TXNDC11: variants seen among roughly 807,000 people sequenced by gnomAD.
TXNDC11 encodes the protein thioredoxin domain-containing protein 11.
TXNDC11 carries 68 observed loss-of-function variants against 78.0 expected under a neutral mutation model. That is an observed-to-expected ratio of 0.87 (90% confidence interval 0.72 to 1.07). The LOEUF is 1.07. TXNDC11 is among the 50% of genes least tolerant of loss of function. TXNDC11 has a pLI of 0.00. For missense variants in TXNDC11, 1,389 were observed against 1,221.8 expected (o/e 1.14, Z -2.04); for synonymous variants, 571 against 495.2 (o/e 1.15, Z -2.03).
Position 11,703,788 on chromosome 16 carries a change from T to G in TXNDC11, c.794-3224A>C, listed in dbSNP as rs1315656284. ...AAGTACAAGATAAGCCTGAAATATC[T>G]TGTATCAGAAGTAAAGAAGTGGGCT... On this transcript the variant is annotated intron_variant, in intron 5 of 11. Coordinates refer to ENST00000283033, the MANE Select transcript of TXNDC11 (RefSeq NM_015914.7). The G allele has an allele frequency of 1.7e-5, 12 of 698,344 alleles. No homozygotes were observed. The Admixed American group carries it at 2.4e-4, about 14-fold the overall frequency. The allele number at this position is 698,344 out of a possible 1,614,324, so 43.3% of individuals were successfully genotyped here. A position where few individuals can be genotyped will look rare whatever the true frequency, so the allele number is the denominator to read the frequency against.
chr16:11,728,345 C>T (rs1244369876), intron 4 of TXNDC11, among the ~76,000 whole-genome samples: 1 of 152,184 alleles, frequency 6.6e-6, no homozygotes, highest in Non-Finnish European at 1.5e-5. Flanking sequence ...CTATCTATCT[C>T]TTGCCAATGA....
In TXNDC11 at chr16:11,734,059, G is replaced by A. The variant is rs1171480580; in HGVS notation, c.492C>T (p.Asn164=). The change falls in exon 3 of 12, where the codon AAC becomes AAT. Residue 164 remains asparagine, a synonymous_variant. Transcript: ENST00000283033. The part of the protein sequence containing the change: ...LSDQVLFVAI[N]CWWNQGKCRK... ...TGCATTTCCCCTGGTTCCACCAACAGTTAATTGCCACAAACAACACCTGCA... is the reference window on the plus strand; with the variant it reads ...TGCATTTCCCCTGGTTCCACCAACAATTAATTGCCACAAACAACACCTGCA... 4 of 1,601,524 alleles carry A rather than the reference G, an allele frequency of 2.5e-6. No individual in the cohort carries two copies. Among genetic ancestry groups the A allele is most frequent in the Admixed American group, 1.8e-5 (1 of 56,010 alleles).
At chr16:11,733,170 C>T (rs1378085955) in intron 3 of TXNDC11, among the ~76,000 whole-genome samples, 3 of 151,882 alleles carry the variant, frequency 2.0e-5, no homozygotes, top group Admixed American at 2.0e-4. Flanking sequence ...GGCAGGAGAA[C>T]GGCTTGAACC....
At chr16:11,693,068 CAA>C (rs2050764839) in intron 7 of TXNDC11, among the ~76,000 whole-genome samples, 1 of 152,220 alleles carries the variant, frequency 6.6e-6, no homozygotes, top group African/African-American at 2.4e-5. Context: ...CTCTTCCCCA[CAA>C]ACTTACAGAA....
In TXNDC11 at chr16:11,730,950, G is replaced by C. The variant is rs371207622; in HGVS notation, c.570-176C>G. 1.1e-4 allele frequency among the ~76,000 whole-genome samples: 16 copies of C among 152,280 alleles called. No homozygotes were observed. The East Asian group carries it at 2.9e-3, about 27-fold the overall frequency. On this transcript the variant is annotated intron_variant, in intron 3 of 11. Transcript: ENST00000283033. ...GCTCAGGAGGTGACCAGAGAATTAA[G>C]AACAAGCATTTTGGGTGAGGAGAGG...
intron 5 of TXNDC11, among the ~76,000 whole-genome samples, chr16:11,704,298 A>C (rs1435670109): frequency 6.6e-6 from 1 of 152,214 alleles, no homozygotes; most frequent in Non-Finnish European, 1.5e-5. Flanking sequence ...TTAAGGGAGA[A>C]TTCCACTAAT....
At chr16:11,683,403 G>C (rs994489293) in intron 11 of TXNDC11, among the ~76,000 whole-genome samples, 2 of 152,180 alleles carry the variant, frequency 1.3e-5, no homozygotes, top group African/African-American at 4.8e-5. Context: ...AAAAGGACGT[G>C]CCATGGGTAA....
At chr16:11,720,082 G>C (rs576453160) in intron 5 of TXNDC11, among the ~76,000 whole-genome samples, 1 of 152,184 alleles carries the variant, frequency 6.6e-6, no homozygotes, top group African/African-American at 2.4e-5. Context: ...GGAGACAAGC[G>C]AGCAGATGAG....
Position 11,691,552 on chromosome 16 carries a change from T to G in TXNDC11, c.1638A>C (p.Pro546=). The G allele has an allele frequency of 1.2e-6, 2 of 1,614,222 alleles. No homozygotes were observed. Among genetic ancestry groups the G allele is most frequent in the Non-Finnish European group, 1.7e-6 (2 of 1,180,036 alleles). ...TCTCCTCAATGTGAGGAACGGAGCT[T>G]GGGGCATCAACCTCACATTTCTTCT... ...SLEKKCEVDA[P]SSVPHIEENR... The change falls in exon 8 of 12, where the codon CCA becomes CCC. Residue 546 remains proline (P), a synonymous_variant. Coordinates refer to ENST00000283033, the MANE Select transcript of TXNDC11 (RefSeq NM_015914.7).
chr16:11,726,540 G>A lies in TXNDC11; in HGVS notation c.699+4105C>T, dbSNP rs557278718. Among the ~76,000 whole-genome samples, 55 of 139,370 alleles carry A rather than the reference G, an allele frequency of 3.9e-4. 1 individual carries two copies. The highest frequency in any genetic ancestry group is 1.1e-3 in the African/African-American group (40 of 36,968). The allele number at this position is 139,370 out of a possible 152,430, so 91.4% of individuals were successfully genotyped here. The stretch of plus-strand genomic sequence containing the variant: ...GGCTGCAGTGAGCCAAGATCACGCC[G>A]CTGCACTCCAGCCTGGACAACAGAG... On this transcript the variant is annotated intron_variant, in intron 4 of 11. Transcript: ENST00000283033.
At chr16:11,704,007 G>T (rs1200822991) in intron 5 of TXNDC11, among the ~76,000 whole-genome samples, 1 of 152,136 alleles carries the variant, frequency 6.6e-6, no homozygotes, top group African/African-American at 2.4e-5. Context: ...CAGCAGAATT[G>T]CTTGAACCCG....
At chr16:11,710,071 A>G (rs2051303203) in intron 5 of TXNDC11, among the ~76,000 whole-genome samples, 1 of 152,188 alleles carries the variant, frequency 6.6e-6, no homozygotes, top group Non-Finnish European at 1.5e-5. Flanking sequence ...TGAACCCAGG[A>G]GGCAGAGACT....
rs1247404662 is a variant in TXNDC11, at chr16:11,679,809, C to T, written c.2263G>A (p.Asp755Asn). ...AGGTTTGGAAGGGTGATGGGGACGT[C>T]TTCGGGGTATTTCACACTTAGGTCC... ...RKDLSVKYPE[D>N]VPITLPNLLR... The change falls in exon 12 of 12, where the codon GAC becomes AAC. Residue 755 changes from aspartate (D) to asparagine (N), a missense_variant. Transcript: ENST00000283033. This position sits in a 1 kb window ranked among gnomAD's most constrained non-coding sequence, Gnocchi z 4.6. The T allele has an allele frequency of 8.7e-6, 14 of 1,613,014 alleles. No individual in the cohort carries two copies. The highest frequency in any genetic ancestry group is 1.1e-5 in the Non-Finnish European group (13 of 1,179,308).
intron 11 of TXNDC11, among the ~76,000 whole-genome samples, chr16:11,682,141 C>G (rs1192403978): frequency 6.6e-6 from 1 of 152,260 alleles, no homozygotes; most frequent in African/African-American, 2.4e-5. Context: ...TACATGTTAT[C>G]CAACAGCCTT....
At position 11,742,536 on chromosome 16, in the gene TXNDC11, C is replaced by T; in HGVS notation, c.195G>A (p.Leu65=). 2 of 1,459,610 alleles carry T rather than the reference C, an allele frequency of 1.4e-6. No homozygotes were observed. The highest frequency in any genetic ancestry group is 2.6e-5 in the Admixed American group (1 of 38,862). 90.4% of individuals were successfully genotyped at this position (1,459,610 alleles called of 1,614,324 possible). A position where few individuals can be genotyped will look rare whatever the true frequency, so the allele number is the denominator to read the frequency against. ...AGCCGAGCGCCACGGCCCCGCAGAG[C>T]AGCTCCGGCCGCTGGCGCGCCATGA... The part of the protein sequence containing the change: ...AFLMARQRPE[L]LCGAVALGCA... Residue 65 remains leucine (L), a synonymous_variant, in exon 1 of 12, where the codon CTG becomes CTA. Coordinates refer to ENST00000283033, the MANE Select transcript of TXNDC11 (RefSeq NM_015914.7).
intron 6 of TXNDC11, 71 bp from the exon 7 acceptor site, chr16:11,698,396 C>A (rs777036453): frequency 5.1e-6 from 7 of 1,362,696 alleles, no homozygotes; most frequent in Non-Finnish European, 7.3e-6. Context: ...CACATCAGTG[C>A]TGTTCCAACC....
chr16:11,694,772 T>C (rs2050815625), intron 7 of TXNDC11, among the ~76,000 whole-genome samples: 1 of 152,278 alleles, frequency 6.6e-6, no homozygotes, highest in Non-Finnish European at 1.5e-5. Context: ...CTTAAAGAGT[T>C]AGGCATTATC....
chr16:11,704,958 G>A (rs2051142736), intron 5 of TXNDC11, among the ~76,000 whole-genome samples: 1 of 151,166 alleles, frequency 6.6e-6, no homozygotes, highest in Non-Finnish European at 1.5e-5. Flanking sequence ...CGCCCAGGCT[G>A]GAGTACAGTG....
intron 4 of TXNDC11, among the ~76,000 whole-genome samples, chr16:11,722,155 G>A (rs916649261): frequency 2.6e-5 from 4 of 152,056 alleles, no homozygotes; most frequent in African/African-American, 9.7e-5. Flanking sequence ...TGGAAATCAG[G>A]GTTAATCTTC....
Sources: gnomAD v4.1 joint callset for allele counts (sites outside exome capture counted in the v4.1 genomes callset) on GRCh38, gnomAD v4.1.1 for gene constraint, Gnocchi (gnomAD v3.1) non-coding constraint, MANE v1.5 for transcripts, NCBI Gene and HGNC (gene_info 2026-07-23, HGNC 2026-07-21) for gene names.